Variants in CALD1 observed in about 807,000 individuals in gnomAD.
The protein encoded by CALD1 is caldesmon 1.
In CALD1, 33 loss-of-function variants were observed where a neutral mutation model predicts 99.9. The observed-to-expected ratio is 0.33, with a 90% CI of 0.25 to 0.44. The LOEUF (loss-of-function observed/expected upper bound fraction) is 0.44. Among genes scored for constraint, CALD1 ranks in the 20% least tolerant of loss-of-function variants. The pLI is 1.00. For synonymous variants in CALD1, 310 were observed against 325.0 expected (o/e 0.95, Z 0.50); for missense variants, 861 against 962.1 (o/e 0.89, Z 1.39).
chr7:134,905,349 A>G (rs1295278965), intron 3 of CALD1, among the ~76,000 whole-genome samples: 1 of 152,098 alleles, frequency 6.6e-6, no homozygotes, highest in African/African-American at 2.4e-5. Context: ...TTTAATCCTT[A>G]CAACTCCACT....
chr7:134,920,744 T>A, intron 3 of CALD1: 1 of 1,142,310 alleles, frequency 8.8e-7, no homozygotes, highest in Non-Finnish European at 1.2e-6. Context: ...AATTCAAAAA[T>A]GGTGAACTTC....
At chr7:134,716,798 T>G in the CALD1 span, among the ~76,000 whole-genome samples, 2 of 152,210 alleles carry the variant, frequency 1.3e-5, no homozygotes, top group Non-Finnish European at 2.9e-5. Context: ...ACTGTAGACT[T>G]TGATGTGTGA....
the CALD1 span, among the ~76,000 whole-genome samples, chr7:134,723,150 A>G: frequency 6.6e-6 from 1 of 152,174 alleles, no homozygotes; most frequent in East Asian, 1.9e-4. Flanking sequence ...TAAATTACTC[A>G]ATCTTTTTGA....
intron 3 of CALD1, among the ~76,000 whole-genome samples, chr7:134,877,042 A>C (rs1801383746): frequency 6.6e-6 from 1 of 152,188 alleles, no homozygotes; most frequent in South Asian, 2.1e-4. Context: ...ATGGCCATCG[A>C]AACAGTTCTT....
At chr7:134,803,130 C>T (rs540198617) in intron 1 of CALD1, among the ~76,000 whole-genome samples, 1 of 152,214 alleles carries the variant, frequency 6.6e-6, no homozygotes, top group African/African-American at 2.4e-5. Context: ...TTGCATTTGT[C>T]TAATGACAAA....
intron 1 of CALD1, among the ~76,000 whole-genome samples, chr7:134,806,704 T>C (rs557705769): frequency 3.9e-5 from 6 of 152,368 alleles, no homozygotes; most frequent in African/African-American, 1.4e-4. Flanking sequence ...CAGTAAATTA[T>C]AGTGCCTCGG....
chr7:134,947,284 A>C (rs1200507138), intron 7 of CALD1, among the ~76,000 whole-genome samples: 1 of 152,056 alleles, frequency 6.6e-6, no homozygotes, highest in Non-Finnish European at 1.5e-5. Context: ...TACAGTGCAT[A>C]TTTGTCCCAT....
chr7:134,960,512 T>C, intron 12 of CALD1, 21 bp from the exon 13 acceptor site: 1 of 1,440,846 alleles, frequency 6.9e-7, no homozygotes, highest in South Asian at 1.2e-5. Context: ...TTTAATATTT[T>C]GGATGATTGC....
intron 1 of CALD1, among the ~76,000 whole-genome samples, chr7:134,752,474 T>C (rs1796692835): frequency 6.6e-6 from 1 of 152,198 alleles, no homozygotes; most frequent in Non-Finnish European, 1.5e-5. Flanking sequence ...AACTATATAT[T>C]ATACAGTGGT....
intron 3 of CALD1, among the ~76,000 whole-genome samples, chr7:134,925,027 C>T (rs924773840): frequency 2.6e-5 from 4 of 152,162 alleles, no homozygotes; most frequent in Admixed American, 2.6e-4. Flanking sequence ...ATCAATTAAA[C>T]CTCTTTCCTT....
chr7:134,784,767 TAGAGTC>T (rs1797242525), intron 1 of CALD1, among the ~76,000 whole-genome samples: 1 of 151,474 alleles, frequency 6.6e-6, no homozygotes, highest in African/African-American at 2.4e-5. Flanking sequence ...AGAGTAGAGT[TAGAGTC>T]AAGGTGGGTG....
chr7:134,899,948 G>T (rs1802870661), intron 3 of CALD1: 5 of 152,146 alleles, frequency 3.3e-5, no homozygotes, highest in Admixed American at 2.0e-4. Context: ...CACCCAGTCT[G>T]TTTGCTGATC....
intron 3 of CALD1, among the ~76,000 whole-genome samples, chr7:134,870,727 C>CCT (rs139103344): frequency 7.0e-4 from 104 of 148,460 alleles, no homozygotes; most frequent in Admixed American, 1.0e-3. Context: ...TTCCTTCCTT[C>CCT]CTCTCTCTCT....
At chr7:134,895,981 C>A (rs1163369680) in intron 3 of CALD1, among the ~76,000 whole-genome samples, 1 of 152,208 alleles carries the variant, frequency 6.6e-6, no homozygotes, top group Non-Finnish European at 1.5e-5. Context: ...TGAATCACCC[C>A]TGGTCACCTG....
chr7:134,758,228 T>A (rs952117029), intron 1 of CALD1, among the ~76,000 whole-genome samples: 2 of 152,236 alleles, frequency 1.3e-5, no homozygotes, highest in Non-Finnish European at 2.9e-5. Context: ...CTCCAAGACT[T>A]ATGGATTGTT....
the CALD1 span, among the ~76,000 whole-genome samples, chr7:134,739,187 T>C: frequency 6.6e-6 from 1 of 152,306 alleles, no homozygotes; most frequent in East Asian, 1.9e-4. Context: ...GCAAAAACTA[T>C]ATGGAAGAGA....
In CALD1 at chr7:134,765,729, G is replaced by T. The variant is rs188187855; in HGVS notation, c.-130+21366G>T. ...TCATGGGGATGGATTTCTCATGAATGGTTTAGCACCATCTTCTTGGTGCTG... is the reference window on the plus strand; with the variant it reads ...TCATGGGGATGGATTTCTCATGAATTGTTTAGCACCATCTTCTTGGTGCTG... On this transcript the variant is annotated intron_variant, in intron 1 of 13. Coordinates refer to the CALD1 transcript ENST00000417172. Among the ~76,000 whole-genome samples, 571 of 152,284 alleles carry T rather than the reference G, an allele frequency of 3.7e-3. 4 individuals carry two copies. Among genetic ancestry groups the T allele is most frequent in the African/African-American group, 0.013 (548 of 41,556 alleles).
At chr7:134,850,394 T>C (rs1356632703) in intron 2 of CALD1, among the ~76,000 whole-genome samples, 1 of 152,198 alleles carries the variant, frequency 6.6e-6, no homozygotes, top group Non-Finnish European at 1.5e-5. Context: ...CTGAGTTGCC[T>C]GGATGTAGAC....
intron 3 of CALD1, among the ~76,000 whole-genome samples, chr7:134,928,428 C>CAAAA (rs11355152): frequency 7.2e-5 from 4 of 55,648 alleles, no homozygotes; most frequent in East Asian, 1.2e-3. Flanking sequence ...GACTGGGTCT[C>CAAAA]AAAAAAAAAA....
Sources: gnomAD v4.1 joint callset for allele counts (sites outside exome capture counted in the v4.1 genomes callset) on GRCh38, gnomAD v4.1.1 for gene constraint, MANE v1.5 for transcripts, NCBI Gene and HGNC (gene_info 2026-07-23, HGNC 2026-07-21) for gene names.